Variants in NYAP2 observed in about 807,000 individuals in gnomAD.
NYAP2 encodes the protein neuronal tyrosine-phosphorylated phosphoinositide-3-kinase adaptor 2.
Under a neutral mutation model 50.4 loss-of-function variants are expected in NYAP2, and 23 were observed. That is an observed-to-expected ratio of 0.46 (90% CI 0.33 to 0.65). The LOEUF (loss-of-function observed/expected upper bound fraction) is 0.65. Ranked by LOEUF, NYAP2 falls within the 30% of genes least tolerant of loss-of-function variation. The pLI, the probability that NYAP2 is intolerant of heterozygous loss-of-function variation, is 0.02. For synonymous variants in NYAP2, 394 were observed against 365.2 expected, an observed-to-expected ratio of 1.08 and a Z score of -0.90; for missense variants, 885 against 861.0, an observed-to-expected ratio of 1.03 and a Z score of -0.35.
At chr2:225,572,559 A>G (rs986492408) in intron 4 of NYAP2, among the ~76,000 whole-genome samples, 3 of 152,216 alleles carry the variant, frequency 2.0e-5, no homozygotes, top group Admixed American at 6.5e-5. Context: ...CCATGATTCA[A>G]TTACTTCTCA....
intron 4 of NYAP2, among the ~76,000 whole-genome samples, chr2:225,513,895 G>A (rs1690879313): frequency 6.6e-6 from 1 of 152,134 alleles, no homozygotes; most frequent in Non-Finnish European, 1.5e-5. Context: ...CAATATATGA[G>A]TTTTTTAATC....
At chr2:225,541,276 T>C (rs527587065) in intron 4 of NYAP2, among the ~76,000 whole-genome samples, 3 of 152,206 alleles carry the variant, frequency 2.0e-5, no homozygotes, top group Admixed American at 6.5e-5. Context: ...CTTTGCTGTT[T>C]AGGAACTTTT....
chr2:225,459,297 C>G (rs1228354719), intron 3 of NYAP2, among the ~76,000 whole-genome samples: 1 of 152,190 alleles, frequency 6.6e-6, no homozygotes, highest in Non-Finnish European at 1.5e-5. Flanking sequence ...GCAGTGTTGA[C>G]ATTGGGATTT....
intron 4 of NYAP2, among the ~76,000 whole-genome samples, chr2:225,559,048 T>G (rs1314300756): frequency 1.1e-4 from 17 of 152,024 alleles, no homozygotes; most frequent in Non-Finnish European, 2.9e-5. Context: ...TATTAGGAGG[T>G]GGAGGCTGTC....
chr2:225,660,760 C>T, the NYAP2 span, among the ~76,000 whole-genome samples: 1 of 152,088 alleles, frequency 6.6e-6, no homozygotes, highest in Admixed American at 6.5e-5. Flanking sequence ...ATAAGCAAAA[C>T]GCCTGTAGAA....
chr2:225,678,406 A>G, the NYAP2 span, among the ~76,000 whole-genome samples: 40 of 152,090 alleles, frequency 2.6e-4, no homozygotes, highest in Non-Finnish European at 5.0e-4. Context: ...TTGGGTCTCA[A>G]TTTCATTGAG....
chr2:225,412,255 CTTT>C lies in NYAP2; in HGVS notation c.221+3178_221+3180del, dbSNP rs560637948. On this transcript the variant is annotated intron_variant, in intron 3 of 6. Transcript: ENST00000636099. ...TACAGGCGTGAGCCACTGCGCCCGG[CTTT>C]TTTTTTTTTTTTTTTTTTTTTTTAA... Among the ~76,000 whole-genome samples, 145 of 59,150 alleles carry C rather than the reference CTTT, an allele frequency of 2.5e-3. 4 individuals carry two copies. Among genetic ancestry groups the C allele is most frequent in the African/African-American group, 4.1e-3 (73 of 17,884 alleles). 38.8% of individuals were successfully genotyped at this position (59,150 alleles called of 152,430 possible). A position where few individuals can be genotyped will look rare whatever the true frequency, so the allele number is the denominator to read the frequency against.
intron 1 of NYAP2, 85 bp downstream of exon 1, chr2:225,400,340 AAGGG>A: frequency 7.0e-6 from 1 of 142,784 alleles, no homozygotes; most frequent in East Asian, 2.5e-4. Context: ...GAGAAGCAGG[AAGGG>A]AGGGAGTCAG....
intron 5 of NYAP2, among the ~76,000 whole-genome samples, chr2:225,611,660 C>T (rs1397951518): frequency 1.1e-4 from 16 of 151,986 alleles, no homozygotes; most frequent in African/African-American, 3.9e-4. Flanking sequence ...TAGCTCTTAT[C>T]AGAGCTCTAA....
At chr2:225,558,927 G>A (rs1224194981) in intron 4 of NYAP2, among the ~76,000 whole-genome samples, 1 of 152,086 alleles carries the variant, frequency 6.6e-6, no homozygotes, top group African/African-American at 2.4e-5. Flanking sequence ...TGGGGGCTGA[G>A]TACACTGTGA....
chr2:225,503,137 C>T (rs1347357506), intron 3 of NYAP2, among the ~76,000 whole-genome samples: 1 of 152,142 alleles, frequency 6.6e-6, no homozygotes, highest in Non-Finnish European at 1.5e-5. Flanking sequence ...TAGCTAAACT[C>T]ATTTCTAAAA....
intron 3 of NYAP2, among the ~76,000 whole-genome samples, chr2:225,446,265 T>C (rs1413622451): frequency 1.4e-3 from 198 of 143,476 alleles, no homozygotes; most frequent in Non-Finnish European, 2.3e-3. Flanking sequence ...TATATATATA[T>C]ATATATATAT....
At chr2:225,584,383 C>G (rs1574693571) in intron 5 of NYAP2, among the ~76,000 whole-genome samples, 2 of 152,296 alleles carry the variant, frequency 1.3e-5, no homozygotes, top group South Asian at 4.1e-4. Flanking sequence ...TGACTAACAC[C>G]TTTATGAGTA....
chr2:225,620,394 C>T (rs900615412), intron 5 of NYAP2, among the ~76,000 whole-genome samples: 16 of 151,736 alleles, frequency 1.1e-4, no homozygotes, highest in East Asian at 9.7e-4. Context: ...CACGCACGCA[C>T]GCACACACGC....
rs140983231 is a variant in NYAP2 at position 225,504,943 on chromosome 2, G to A, written c.222-8428G>A. ...TAGTTGCTTGAACCTGGGAGGCAGA[G>A]GTTGCAGTGAGCCAAGATTGCACCA... On this transcript the variant is annotated intron_variant, in intron 3 of 6. Coordinates refer to ENST00000636099, the Ensembl canonical transcript of NYAP2. Among the ~76,000 whole-genome samples, 8 of 151,886 alleles carry A rather than the reference G, an allele frequency of 5.3e-5. No homozygotes were observed. In the East Asian group the frequency reaches 1.4e-3, roughly 26 times the overall value.
intron 5 of NYAP2, among the ~76,000 whole-genome samples, chr2:225,583,983 A>G (rs966407248): frequency 6.6e-6 from 1 of 152,200 alleles, no homozygotes; most frequent in Admixed American, 6.5e-5. Flanking sequence ...CAGAGCTTGT[A>G]GTGAGCCCAG....
At chr2:225,477,757 A>G (rs1246363388) in intron 3 of NYAP2, among the ~76,000 whole-genome samples, 1 of 152,220 alleles carries the variant, frequency 6.6e-6, no homozygotes, top group African/African-American at 2.4e-5. Context: ...ACACACGCAC[A>G]TATATACACA....
the NYAP2 span, among the ~76,000 whole-genome samples, chr2:225,677,463 A>C: frequency 9.2e-5 from 14 of 152,248 alleles, no homozygotes; most frequent in South Asian, 2.9e-3. Flanking sequence ...TAGAGTGGTG[A>C]GAGTGGGCAT....
At chr2:225,564,479 C>A (rs1006206296) in intron 4 of NYAP2, among the ~76,000 whole-genome samples, 1 of 151,742 alleles carries the variant, frequency 6.6e-6, no homozygotes, top group East Asian at 1.9e-4. Context: ...CTAGACGAAA[C>A]CATTTTCCTC....
Sources: allele counts gnomAD v4.1 joint callset (sites outside exome capture counted in the v4.1 genomes callset), GRCh38; gene constraint gnomAD v4.1.1; transcripts MANE v1.5; gene names NCBI Gene and HGNC (gene_info 2026-07-23, HGNC 2026-07-21).